SEC16B: variants seen among roughly 807,000 people sequenced by gnomAD.
SEC16B encodes SEC16 homolog B, endoplasmic reticulum export factor.
Under a neutral mutation model 141.8 loss-of-function variants are expected in SEC16B, and 115 were observed. The ratio of observed to expected loss-of-function variants is 0.81; its 90% CI spans 0.70 to 0.95. The LOEUF (loss-of-function observed/expected upper bound fraction) is 0.95. Among genes scored for constraint, SEC16B ranks in the 40% least tolerant of loss-of-function variants. The pLI, the probability that SEC16B is intolerant of heterozygous loss-of-function variation, is 0.00. For synonymous variants in SEC16B, 493 were observed against 492.5 expected, an observed-to-expected ratio of 1.00 and a Z score of -0.01; for missense variants, 1,291 against 1,312.3, an observed-to-expected ratio of 0.98 and a Z score of 0.25.
chr1:177,932,221 G>C (rs116055920), intron 24 of SEC16B, among the ~76,000 whole-genome samples: 28 of 152,252 alleles, frequency 1.8e-4, no homozygotes, highest in African/African-American at 6.0e-4. Flanking sequence ...GAAGATGGCC[G>C]GGCACAAGCC....
intron 14 of SEC16B, chr1:177,945,773 G>C (rs2101932256): frequency 6.5e-6 from 1 of 153,022 alleles, no homozygotes; most frequent in East Asian, 1.9e-4. Flanking sequence ...CAACGTAAGA[G>C]CTTAGTGACT....
chr1:177,966,608 C>A (rs1653539321), intron 2 of SEC16B, among the ~76,000 whole-genome samples: 1 of 152,132 alleles, frequency 6.6e-6, no homozygotes, highest in Admixed American at 6.5e-5. Context: ...CTCTGTCACC[C>A]AGGCTGGAGT....
chr1:177,961,719 C>T lies in SEC16B; in HGVS notation c.658G>A (p.Glu220Lys). 6.2e-7 allele frequency: 1 copy of T among 1,613,806 alleles called. No homozygotes were observed. Among genetic ancestry groups the T allele is most frequent in the Non-Finnish European group, 8.5e-7 (1 of 1,179,854 alleles). ...AQKNKPSLAS[E>K]SNLLQQRESG... is the part of the protein sequence containing the mutation. Reference sequence around the variant, plus strand: ...TCACGCTGCTGGAGAAGGTTGGACTCACTAGCCAATGATGGCTGAAAGTTA... The same window carrying T: ...TCACGCTGCTGGAGAAGGTTGGACTTACTAGCCAATGATGGCTGAAAGTTA... Residue 220 changes from glutamate (E) to lysine (K), a missense_variant, in exon 6 of 26, where the codon GAG becomes AAG. This residue lies in a region of SEC16B where 681 missense variants were observed against 675.5 expected (regional missense o/e 1.01). Coordinates refer to ENST00000308284, the MANE Select transcript of SEC16B (RefSeq NM_033127.4).
chr1:177,945,114 G>A lies in SEC16B; in HGVS notation c.1776-448C>T, dbSNP rs866245727. Among the ~76,000 whole-genome samples the A allele has an allele frequency of 5.4e-4, 82 of 152,186 alleles. 1 individual carries two copies. Among genetic ancestry groups the A allele is most frequent in the Admixed American group, 7.2e-4 (11 of 15,280 alleles). On this transcript the variant is annotated intron_variant, in intron 14 of 25. Transcript: ENST00000308284. ...AAAGAGGGGAGCCATGTAACACTCCGGGAGCACTGAGACCAAAAGGCATGG... is the reference window on the plus strand; with the variant it reads ...AAAGAGGGGAGCCATGTAACACTCCAGGAGCACTGAGACCAAAAGGCATGG...
chr1:177,965,249 GGA>G, intron 3 of SEC16B, 82 bp from the exon 4 acceptor site: 1 of 1,471,354 alleles, frequency 6.8e-7, no homozygotes, highest in South Asian at 1.2e-5. Flanking sequence ...TGAGCTGTGA[GGA>G]GCTCCTGGAG....
At chr1:177,944,438 A>C in intron 15 of SEC16B, 123 bp downstream of exon 15, 1 of 722,208 alleles carries the variant, frequency 1.4e-6, no homozygotes, top group Middle Eastern at 3.7e-4. Context: ...CGCTTAAGCT[A>C]ATGAGGAAAA....
intron 6 of SEC16B, 26 bp from the exon 7 acceptor site, chr1:177,960,965 C>T (rs771515399): frequency 3.9e-6 from 6 of 1,525,406 alleles, no homozygotes; most frequent in Non-Finnish European, 1.8e-6. Context: ...CACAGATGGA[C>T]ATTGTTAGCG....
At chr1:177,979,492 G>A (rs2102029151) in intron 1 of SEC16B, among the ~76,000 whole-genome samples, 1 of 152,288 alleles carries the variant, frequency 6.6e-6, no homozygotes, top group African/African-American at 2.4e-5. Context: ...TGCAAATATA[G>A]CAAAGCTCCC....
At chr1:177,956,541 T>C (rs1398739421) in intron 10 of SEC16B, among the ~76,000 whole-genome samples, 1 of 152,168 alleles carries the variant, frequency 6.6e-6, no homozygotes, top group Non-Finnish European at 1.5e-5. Context: ...TTCCCAAGTA[T>C]ATCTTTTTTA....
At chr1:177,938,794 TA>T (rs1394251068) in intron 18 of SEC16B, among the ~76,000 whole-genome samples, 1 of 152,214 alleles carries the variant, frequency 6.6e-6, no homozygotes, top group Admixed American at 6.5e-5. Context: ...AGCTTCCAGC[TA>T]AAAACCCAAA....
At chr1:177,932,443 C>A (rs1276804779) in intron 24 of SEC16B, 47 bp downstream of exon 24, 6 of 1,385,666 alleles carry the variant, frequency 4.3e-6, no homozygotes, top group Non-Finnish European at 5.8e-6. Context: ...TCCTCACACA[C>A]AGGCATCTGC....
chr1:177,968,273 G>A (rs752354053), intron 1 of SEC16B, among the ~76,000 whole-genome samples: 3 of 152,136 alleles, frequency 2.0e-5, no homozygotes, highest in East Asian at 1.9e-4. Context: ...GTGGAACAAC[G>A]ACAGATGAGG....
At chr1:177,971,159 G>A (rs1653929178), upstream of SEC16B, among the ~76,000 whole-genome samples, 1 of 151,330 alleles carries the variant, frequency 6.6e-6, no homozygotes, top group South Asian at 2.1e-4. Flanking sequence ...TCAGCTCACT[G>A]CAACCTCTAC....
intron 16 of SEC16B, among the ~76,000 whole-genome samples, chr1:177,941,618 C>T (rs1651281437): frequency 6.6e-6 from 1 of 152,168 alleles, no homozygotes; most frequent in Admixed American, 6.5e-5. Context: ...TGTAGTTTTA[C>T]TGTACCAGAA....
At chr1:177,983,437 G>A (rs958698629) in intron 1 of SEC16B, among the ~76,000 whole-genome samples, 7 of 151,676 alleles carry the variant, frequency 4.6e-5, no homozygotes, top group East Asian at 1.9e-4. Context: ...ATATCTGTTC[G>A]TCAATAAGTT....
chr1:177,932,472 C>T lies in SEC16B; in HGVS notation c.3012+18G>A. 6.6e-7 allele frequency: 1 copy of T among 1,517,266 alleles called. No individual in the cohort carries two copies. The highest frequency in any genetic ancestry group is 8.8e-7 in the Non-Finnish European group (1 of 1,130,306). The allele number at this position is 1,517,266 out of a possible 1,614,324, so 94.0% of individuals were successfully genotyped here. A position where few individuals can be genotyped will look rare whatever the true frequency, so the allele number is the denominator to read the frequency against. ...CATCTGCTGGGGTCCGAGGCTCCAG[C>T]CCAGGGGGGCCGCTTACCTCTGGTC... is the stretch of plus-strand genomic sequence containing the variant. On this transcript the variant is annotated intron_variant, in intron 24 of 25. Coordinates refer to ENST00000308284, the MANE Select transcript of SEC16B (RefSeq NM_033127.4).
chr1:177,946,704 ACTC>A (rs1195649305), intron 13 of SEC16B, among the ~76,000 whole-genome samples, 173 bp from the exon 14 acceptor site: 18 of 151,314 alleles, frequency 1.2e-4, no homozygotes, highest in East Asian at 3.9e-4. Flanking sequence ...CCTAAACCCC[ACTC>A]CTCCTCCCAC....
chr1:177,978,265 T>C (rs960227431), intron 1 of SEC16B, among the ~76,000 whole-genome samples: 6 of 152,216 alleles, frequency 3.9e-5, no homozygotes, highest in Non-Finnish European at 5.9e-5. Context: ...ATAAATGAGA[T>C]AATGTACTGT....
chr1:177,958,296 G>A lies in SEC16B; in HGVS notation c.1201C>T (p.Arg401Trp), dbSNP rs779842091. 23 of 1,610,030 alleles carry A rather than the reference G, an allele frequency of 1.4e-5. 1 individual carries two copies. The South Asian group carries it at 1.6e-4, about 11-fold the overall frequency. The change falls in exon 10 of 26, where the codon CGG becomes TGG. Residue 401 changes from arginine to tryptophan, a missense_variant. By Grantham distance (101) the Arg-to-Trp change is moderately radical. Around this residue, in one of 3 missense-constraint regions of SEC16B, gnomAD observed 681 missense variants for 675.5 expected, o/e 1.01. Coordinates refer to ENST00000308284, the MANE Select transcript of SEC16B (RefSeq NM_033127.4). Reference protein sequence around the residue: ...QDCKKLEKYKRQPPVANLINL... With the variant: ...QDCKKLEKYKWQPPVANLINL... ...ATGAGGTTGGCCACAGGGGGCTGCC[G>A]CTTGTACTTCTCCAGCTTCTTGCAG...
Sources: allele counts gnomAD v4.1 joint callset (sites outside exome capture counted in the v4.1 genomes callset), GRCh38; gene constraint gnomAD v4.1.1; regional missense constraint gnomAD v4.1.1; transcripts MANE v1.5; gene names NCBI Gene and HGNC (gene_info 2026-07-23, HGNC 2026-07-21).